ZMYM2: variants seen among roughly 807,000 people sequenced by gnomAD.
ZMYM2 encodes zinc finger MYM-type protein 2.
A neutral mutation model predicts 162.8 loss-of-function variants in ZMYM2; 56 were observed. That is an observed-to-expected ratio of 0.34 (90% CI 0.28 to 0.43). The LOEUF (loss-of-function observed/expected upper bound fraction) is 0.43, where lower values mean the gene tolerates loss of function less well. Among genes scored for constraint, ZMYM2 ranks in the 20% least tolerant of loss-of-function variants. The pLI is 1.00. For missense variants in ZMYM2, 1,275 were observed against 1,621.8 expected, an observed-to-expected ratio of 0.79 and a Z score of 3.67; for synonymous variants, 510 against 541.6, an observed-to-expected ratio of 0.94 and a Z score of 0.81.
the ZMYM2 span, among the ~76,000 whole-genome samples, chr13:19,923,022 C>CAAA: frequency 3.2e-5 from 3 of 94,544 alleles, no homozygotes; most frequent in Admixed American, 1.2e-4. Context: ...GACTCCATCT[C>CAAA]AAAAAAAAAA....
At chr13:19,952,083 G>A in the ZMYM2 span, among the ~76,000 whole-genome samples, 2 of 152,084 alleles carry the variant, frequency 1.3e-5, no homozygotes, top group Non-Finnish European at 1.5e-5. Flanking sequence ...TGTTGTTTGT[G>A]ACAACATGGA....
At position 20,064,493 on chromosome 13, in the gene ZMYM2, C is replaced by T. The variant is rs1013756405; in HGVS notation, c.3080C>T (p.Pro1027Leu). 1.2e-6 allele frequency: 2 copies of T among 1,601,048 alleles called. No homozygotes were observed. The highest frequency in any genetic ancestry group is 1.3e-5 in the African/African-American group (1 of 74,770). The change falls in exon 19 of 25, where the codon CCT becomes CTT. Residue 1027 changes from proline to leucine, a missense_variant. Coordinates refer to ENST00000610343, the MANE Select transcript of ZMYM2 (RefSeq NM_197968.4). ...ATGGAAAATGAATTTTTATTACCAC[C>T]TGTTTTTGGCGAAGAATATGAGGAA... ...LDMENEFLLP[P>L]VFGEEYEEQP...
the ZMYM2 span, among the ~76,000 whole-genome samples, chr13:19,882,011 T>G: frequency 6.6e-6 from 1 of 151,836 alleles, no homozygotes; most frequent in African/African-American, 2.4e-5. Flanking sequence ...AATTTGTATA[T>G]TTTTACCAAA....
intron 6 of ZMYM2, among the ~76,000 whole-genome samples, chr13:20,008,417 C>T (rs1241524296): frequency 1.3e-5 from 2 of 152,344 alleles, no homozygotes; most frequent in East Asian, 1.9e-4. Context: ...AGGCGTGAGC[C>T]ATCATTCCCG....
intron 15 of ZMYM2, 172 bp downstream of exon 15, chr13:20,058,876 T>C (rs1228995206): frequency 5.9e-6 from 5 of 847,350 alleles, no homozygotes; most frequent in Middle Eastern, 4.4e-4. Flanking sequence ...CAGCATCTCA[T>C]TTTAAATCAT....
the ZMYM2 span, among the ~76,000 whole-genome samples, chr13:19,925,124 T>A: frequency 1.1e-4 from 17 of 152,336 alleles, no homozygotes; most frequent in African/African-American, 3.8e-4. Flanking sequence ...CCTCAGGTGA[T>A]CTGCCTGCCT....
the ZMYM2 span, among the ~76,000 whole-genome samples, chr13:19,918,760 A>G: frequency 6.6e-6 from 1 of 152,004 alleles, no homozygotes. Context: ...CGGCCTCCCA[A>G]AGTGCAGGGA....
the ZMYM2 span, among the ~76,000 whole-genome samples, chr13:19,892,601 C>T: frequency 1.3e-5 from 2 of 151,100 alleles, no homozygotes; most frequent in Non-Finnish European, 2.9e-5. Context: ...AAAATTTTGA[C>T]ATGTGTTCTG....
At chr13:19,968,997 T>TTTTTTATAATG (rs1956060225) in intron 2 of ZMYM2, among the ~76,000 whole-genome samples, 1 of 152,234 alleles carries the variant, frequency 6.6e-6, no homozygotes, top group South Asian at 2.1e-4. Context: ...TTAAAGAATA[T>TTTTTTATAATG]TTTGGTTATA....
At chr13:20,043,302 C>G (rs549355408) in intron 12 of ZMYM2, among the ~76,000 whole-genome samples, 1 of 152,162 alleles carries the variant, frequency 6.6e-6, no homozygotes, top group Non-Finnish European at 1.5e-5. Context: ...TTTGGTAGTG[C>G]GGTGACAGCA....
intron 19 of ZMYM2, among the ~76,000 whole-genome samples, chr13:20,065,803 C>A (rs749394388): frequency 2.6e-4 from 40 of 152,080 alleles, no homozygotes; most frequent in Non-Finnish European, 5.1e-4. Flanking sequence ...TGGATACTTA[C>A]CTGGCAGGGG....
intron 2 of ZMYM2, among the ~76,000 whole-genome samples, chr13:19,975,730 T>C (rs993201878): frequency 1.3e-5 from 2 of 152,238 alleles, no homozygotes; most frequent in Admixed American, 1.3e-4. Context: ...CATGTGACTT[T>C]GGGGAACCAT....
At chr13:19,865,887 T>A in the ZMYM2 span, among the ~76,000 whole-genome samples, 1 of 152,206 alleles carries the variant, frequency 6.6e-6, no homozygotes, top group African/African-American at 2.4e-5. Flanking sequence ...TCCCGGCTAA[T>A]ACAAAGTCAC....
the ZMYM2 span, among the ~76,000 whole-genome samples, chr13:19,922,827 G>C: frequency 2.6e-5 from 4 of 151,496 alleles, no homozygotes; most frequent in Non-Finnish European, 5.9e-5. Flanking sequence ...CTGGGAGACA[G>C]AGCGAGACTC....
Position 20,034,755 on chromosome 13 carries a change from A to G in ZMYM2, c.2119+351A>G, listed in dbSNP as rs550591293. Among the ~76,000 whole-genome samples, 10 of 152,328 alleles carry G rather than the reference A, an allele frequency of 6.6e-5. No individual in the cohort carries two copies. The South Asian group carries it at 1.7e-3, about 25-fold the overall frequency. On this transcript the variant is annotated intron_variant, in intron 11 of 24. Coordinates refer to ENST00000610343, the MANE Select transcript of ZMYM2 (RefSeq NM_197968.4). ...CTCCATTTTCCCTGCCCAGCTTACT[A>G]CCTAACCTGCAAAGGTTTTCAATAT... is the stretch of plus-strand genomic sequence containing the variant.
chr13:19,916,749 A>T, the ZMYM2 span, among the ~76,000 whole-genome samples: 8 of 152,222 alleles, frequency 5.3e-5, no homozygotes, highest in East Asian at 1.2e-3. Flanking sequence ...CATTCGGAGA[A>T]ATACCTAATG....
intron 2 of ZMYM2, among the ~76,000 whole-genome samples, chr13:19,981,340 T>G (rs951908572): frequency 1.3e-5 from 2 of 152,110 alleles, no homozygotes; most frequent in Non-Finnish European, 2.9e-5. Flanking sequence ...AACCACATAT[T>G]TGATGTGTTT....
At chr13:19,969,583 T>C (rs915280091) in intron 2 of ZMYM2, among the ~76,000 whole-genome samples, 2 of 152,168 alleles carry the variant, frequency 1.3e-5, no homozygotes, top group African/African-American at 4.8e-5. Flanking sequence ...ACTCAAGATA[T>C]GAAGGAAGGG....
chr13:19,954,470 G>A (rs1954475817), upstream of ZMYM2, among the ~76,000 whole-genome samples: 1 of 151,984 alleles, frequency 6.6e-6, no homozygotes, highest in Non-Finnish European at 1.5e-5. Context: ...AGAATGAAGA[G>A]AAAGCTATCT....
Sources: allele counts gnomAD v4.1 joint callset (sites outside exome capture counted in the v4.1 genomes callset), GRCh38; gene constraint gnomAD v4.1.1; transcripts MANE v1.5; gene names NCBI Gene and HGNC (gene_info 2026-07-23, HGNC 2026-07-21).